The following HERC5 variants were observed in gnomAD, a reference collection of about 807,000 sequenced individuals.
HERC5 encodes HECT and RLD domain containing E3 ubiquitin protein ligase 5.
A neutral mutation model predicts 119.6 loss-of-function variants in HERC5; 99 were observed. That is an observed-to-expected ratio of 0.83 (90% CI 0.70 to 0.98). HERC5 has a LOEUF of 0.98. Ranked by LOEUF, HERC5 falls within the 50% of genes least tolerant of loss-of-function variation. HERC5 has a pLI of 0.00. For missense variants in HERC5, 1,267 were observed against 1,241.3 expected (o/e 1.02, Z -0.31); for synonymous variants, 478 against 445.9 (o/e 1.07, Z -0.91).
chr4:88,486,049 TTAAC>T (rs1332691540), intron 13 of HERC5, 62 bp from the exon 14 acceptor site: 10 of 843,884 alleles, frequency 1.2e-5, no homozygotes, highest in African/African-American at 8.6e-5. Flanking sequence ...GATAATCTAA[TTAAC>T]AGCTATTAAG....
At chr4:88,477,737 G>A (rs1741136131) in intron 12 of HERC5, among the ~76,000 whole-genome samples, 1 of 152,140 alleles carries the variant, frequency 6.6e-6, no homozygotes, top group Non-Finnish European at 1.5e-5. Context: ...AGTTCTAGGG[G>A]CATGAATAGA....
In HERC5 at chr4:88,479,362, G is replaced by C. The variant is rs771253481; in HGVS notation, c.1592G>C (p.Trp531Ser). Residue 531 changes from tryptophan to serine, a missense_variant, in exon 13 of 23, where the codon TGG becomes TCG. Physicochemically the swap from Trp to Ser is radical, Grantham distance 177. Around this residue, in one of 3 missense-constraint regions of HERC5, gnomAD observed 777 missense variants for 758.0 expected, o/e 1.03. Coordinates refer to ENST00000264350, the MANE Select transcript of HERC5 (RefSeq NM_016323.4). ...TCCTTGTGTTCCTCAGAAGAGTATT[G>C]GGCAACTCTGCAAGAATCCACTTTC... Reference protein sequence around the residue: ...DQSSLVLEEYWATLQESTFSK... With the variant: ...DQSSLVLEEYSATLQESTFSK... 6.3e-7 allele frequency: 1 copy of C among 1,596,654 alleles called. No homozygotes were observed. The highest frequency in any genetic ancestry group is 1.8e-5 in the Admixed American group (1 of 55,556).
chr4:88,478,982 G>T (rs1741175988), intron 12 of HERC5, among the ~76,000 whole-genome samples: 1 of 151,850 alleles, frequency 6.6e-6, no homozygotes. Flanking sequence ...ATTACATTTT[G>T]TAGACCTCAA....
In HERC5 at chr4:88,466,090, T is replaced by G. The variant is rs1358215987; in HGVS notation, c.912-969T>G. Reference sequence around the variant, plus strand: ...TCAAGAGTTGTTTTTGGTTTGGTGGTTTTTTTTTTTTTTTGAGACAAGGTC... The same window carrying G: ...TCAAGAGTTGTTTTTGGTTTGGTGGGTTTTTTTTTTTTTTGAGACAAGGTC... On this transcript the variant is annotated intron_variant, in intron 6 of 22. Coordinates refer to ENST00000264350, the MANE Select transcript of HERC5 (RefSeq NM_016323.4). Among the ~76,000 whole-genome samples, 11 of 133,590 alleles carry G rather than the reference T, an allele frequency of 8.2e-5. No individual in the cohort carries two copies. The South Asian group carries it at 1.9e-3, about 23-fold the overall frequency. 87.6% of individuals were successfully genotyped at this position (133,590 alleles called of 152,430 possible).
intron 13 of HERC5, among the ~76,000 whole-genome samples, chr4:88,483,483 G>C (rs1741351846): frequency 6.7e-6 from 1 of 149,380 alleles, no homozygotes; most frequent in Non-Finnish European, 1.5e-5. Flanking sequence ...GAAGTGCAAG[G>C]ATTACCCGGG....
chr4:88,457,727 G>A (rs1740221705), intron 1 of HERC5, among the ~76,000 whole-genome samples, 193 bp downstream of exon 1: 1 of 152,256 alleles, frequency 6.6e-6, no homozygotes, highest in Non-Finnish European at 1.5e-5. Flanking sequence ...CAGGCGCGGG[G>A]TGAGCGGGAT....
intron 13 of HERC5, among the ~76,000 whole-genome samples, chr4:88,480,459 CTTGTT>C (rs1741243579): frequency 8.0e-6 from 1 of 124,952 alleles, no homozygotes; most frequent in Non-Finnish European, 1.7e-5. Flanking sequence ...TTTTTTTTGT[CTTGTT>C]GGGAGTTCCT....
intron 14 of HERC5, among the ~76,000 whole-genome samples, chr4:88,486,529 A>C (rs763306719): frequency 6.6e-6 from 1 of 152,116 alleles, no homozygotes; most frequent in Non-Finnish European, 1.5e-5. Flanking sequence ...AGGCAGTGAG[A>C]CTCATCAGGA....
Position 88,494,347 on chromosome 4 carries a change from T to A in HERC5, c.2444+16T>A, listed in dbSNP as rs763946161. The A allele has an allele frequency of 1.2e-5, 20 of 1,605,576 alleles. No homozygotes were observed. Among genetic ancestry groups the A allele is most frequent in the Non-Finnish European group, 1.5e-5 (18 of 1,174,994 alleles). On this transcript the variant is annotated intron_variant, in intron 18 of 22. Transcript: ENST00000264350. The stretch of plus-strand genomic sequence containing the variant: ...ATTTGGGAAAGTAAGTAAACAGAGT[T>A]CCTGAGAAAGGACCCTTTCTAACAT...
At chr4:88,485,594 T>C (rs773345669) in intron 13 of HERC5, among the ~76,000 whole-genome samples, 9 of 152,346 alleles carry the variant, frequency 5.9e-5, no homozygotes, top group Non-Finnish European at 1.0e-4. Context: ...CAGTCACTAA[T>C]GTCTGAAGTG....
At chr4:88,458,738 A>G (rs1740287918) in intron 1 of HERC5, among the ~76,000 whole-genome samples, 1 of 152,162 alleles carries the variant, frequency 6.6e-6, no homozygotes, top group African/African-American at 2.4e-5. Context: ...CAAATTAAAT[A>G]AGAGTACATT....
intron 16 of HERC5, among the ~76,000 whole-genome samples, chr4:88,492,322 CTGTT>C (rs1362115822): frequency 6.6e-6 from 1 of 151,890 alleles, no homozygotes; most frequent in Non-Finnish European, 1.5e-5. Context: ...TGATTTCTTT[CTGTT>C]TATTTTTATT....
Position 88,500,077 on chromosome 4 carries a change from TA to T in HERC5, c.2511+95del, listed in dbSNP as rs201793802. 9.5e-3 allele frequency: 6,810 copies of T among 717,210 alleles called. 51 individuals carry two copies. The highest frequency in any genetic ancestry group is 8.7e-3 in the South Asian group (462 of 53,256). The allele number at this position is 717,210 out of a possible 1,614,324, so 44.4% of individuals were successfully genotyped here. On this transcript the variant is annotated intron_variant, in intron 19 of 22. Coordinates refer to ENST00000264350, the MANE Select transcript of HERC5 (RefSeq NM_016323.4). ...TTAACTAAACATGTCAACTTTTACT[TA>T]AAAAAAAAACCTGAATAAATTAGTG...
intron 9 of HERC5, 55 bp downstream of exon 9, chr4:88,469,315 C>T (rs559328160): frequency 7.5e-6 from 9 of 1,195,464 alleles, no homozygotes; most frequent in Admixed American, 1.7e-5. Context: ...TATCATTTCC[C>T]AAACTGGTTC....
intron 13 of HERC5, among the ~76,000 whole-genome samples, chr4:88,480,066 CA>C (rs58577205): frequency 0.47 from 44,254 of 93,854 alleles, 7,586 homozygotes; most frequent in East Asian, 0.75. Context: ...GACTCCGTCT[CA>C]AAAAAAAAAA....
intron 2 of HERC5, 141 bp from the exon 3 acceptor site, chr4:88,459,954 T>C (rs1187522922): frequency 2.0e-6 from 1 of 511,718 alleles, no homozygotes; most frequent in East Asian, 3.4e-5. Context: ...AAAAAATAAT[T>C]TTAGATGTAC....
At chr4:88,492,476 G>A (rs1249359545) in intron 16 of HERC5, among the ~76,000 whole-genome samples, 1 of 151,740 alleles carries the variant, frequency 6.6e-6, no homozygotes, top group Non-Finnish European at 1.5e-5. Flanking sequence ...GGGTGTGGTG[G>A]CTCATGGCTG....
At position 88,470,596 on chromosome 4, in the gene HERC5, G is replaced by A. The variant is rs1208947100; in HGVS notation, c.1239-18G>A. 5 of 1,404,426 alleles carry A rather than the reference G, an allele frequency of 3.6e-6. No individual in the cohort carries two copies. In the African/African-American group the frequency reaches 5.7e-5, roughly 16 times the overall value. 87.0% of individuals were successfully genotyped at this position (1,404,426 alleles called of 1,614,324 possible). ...TACCATGTGATTTGGTTTAACCAGTGTCTTATTACTAATATAGGGAAATCC... is the reference window on the plus strand; with the variant it reads ...TACCATGTGATTTGGTTTAACCAGTATCTTATTACTAATATAGGGAAATCC... On this transcript the variant is annotated intron_variant, in intron 9 of 22. Coordinates refer to ENST00000264350, the MANE Select transcript of HERC5 (RefSeq NM_016323.4).
At position 88,467,877 on chromosome 4, in the gene HERC5, G is replaced by A. The variant is rs1740729813; in HGVS notation, c.1058-469G>A. 5 of 985,016 alleles carry A rather than the reference G, an allele frequency of 5.1e-6. No individual in the cohort carries two copies. In the African/African-American group the frequency reaches 5.2e-5, roughly 10 times the overall value. 61.0% of individuals were successfully genotyped at this position (985,016 alleles called of 1,614,324 possible). On this transcript the variant is annotated intron_variant, in intron 7 of 22. Coordinates refer to ENST00000264350, the MANE Select transcript of HERC5 (RefSeq NM_016323.4). ...TCTGAAAGCTTAGTGGTGACCTCAA[G>A]TAACAAAATCTACTCATTTCTTGTA...
Sources: allele counts gnomAD v4.1 joint callset (sites outside exome capture counted in the v4.1 genomes callset), GRCh38; gene constraint gnomAD v4.1.1; regional missense constraint gnomAD v4.1.1; transcripts MANE v1.5; gene names NCBI Gene and HGNC (gene_info 2026-07-23, HGNC 2026-07-21).